Variants in TACC2 observed in about 807,000 individuals in gnomAD.
TACC2 encodes transforming acidic coiled-coil containing protein 2.
TACC2 carries 137 observed loss-of-function variants against 227.3 expected under a neutral mutation model. That is an observed-to-expected ratio of 0.60 (90% CI 0.52 to 0.69). The LOEUF is 0.69. Among genes scored for constraint, TACC2 ranks in the 30% least tolerant of loss-of-function variants. The pLI, the probability that TACC2 is intolerant of heterozygous loss-of-function variation, is 0.00. For missense variants in TACC2, 3,470 were observed against 3,694.4 expected (o/e 0.94, Z 1.57); for synonymous variants, 1,523 against 1,487.5 (o/e 1.02, Z -0.55).
At chr10:122,022,190 C>T in intron 2 of TACC2, 176 bp downstream of exon 2, 1 of 608,444 alleles carries the variant, frequency 1.6e-6, no homozygotes, top group Non-Finnish European at 2.9e-6. Flanking sequence ...TTGGAATTCT[C>T]TTACGATTAA....
At chr10:122,014,928 A>G (rs527598521) in intron 1 of TACC2, among the ~76,000 whole-genome samples, 9 of 152,298 alleles carry the variant, frequency 5.9e-5, no homozygotes, top group African/African-American at 1.9e-4. Context: ...TCTGTTATAA[A>G]ACTAAATAAA....
At chr10:122,060,281 G>A (rs972690028) in intron 3 of TACC2, among the ~76,000 whole-genome samples, 1 of 152,102 alleles carries the variant, frequency 6.6e-6, no homozygotes, top group Non-Finnish European at 1.5e-5. Flanking sequence ...GGGGCCAGGC[G>A]GTCAAAGAAG....
At position 122,088,475 on chromosome 10, in the gene TACC2, C is replaced by T; in HGVS notation, c.5460-3C>T. The T allele has an allele frequency of 2.5e-6, 4 of 1,610,142 alleles. No individual in the cohort carries two copies. Among genetic ancestry groups the T allele is most frequent in the Non-Finnish European group, 3.4e-6 (4 of 1,178,060 alleles). On this transcript the variant is annotated splice_polypyrimidine_tract_variant and splice_region_variant and intron_variant, in intron 4 of 22. Transcript: ENST00000369005. The stretch of plus-strand genomic sequence containing the variant: ...TATTAATTGCTTTCTTTTATTATCC[C>T]AGAGAGAGCCCCAGGCCTGGCCCAT...
intron 7 of TACC2, chr10:122,192,923 A>G: frequency 2.8e-6 from 1 of 362,860 alleles, no homozygotes; most frequent in East Asian, 7.6e-5. Flanking sequence ...GCTGATCTGA[A>G]CTCTCATTCT....
rs776764552 is a variant in TACC2, at chr10:122,088,597, C to A, written c.5573+6C>A. 35 of 1,610,932 alleles carry A rather than the reference C, an allele frequency of 2.2e-5. No homozygotes were observed. Among genetic ancestry groups the A allele is most frequent in the Non-Finnish European group, 2.5e-5 (30 of 1,178,464 alleles). On this transcript the variant is annotated splice_donor_region_variant and intron_variant, in intron 5 of 22. Transcript: ENST00000369005. ...GGTGCGGAAGGAACAGAAAGGTCAG[C>A]GAAAGATATTGGTCTTTGGAAGGCC...
chr10:122,088,145 A>G (rs144420980), intron 4 of TACC2, among the ~76,000 whole-genome samples, 186 bp downstream of exon 4: 57 of 152,306 alleles, frequency 3.7e-4, no homozygotes, highest in Admixed American at 2.7e-3. Flanking sequence ...TGTGAGAACC[A>G]TGGTTGGAGG....
At position 122,237,285 on chromosome 10, in the gene TACC2, C is replaced by G. The variant is rs951354072; in HGVS notation, c.8128-110C>G. The G allele has an allele frequency of 1.4e-5, 15 of 1,085,254 alleles. No homozygotes were observed. The African/African-American group carries it at 1.7e-4, about 13-fold the overall frequency. The allele number at this position is 1,085,254 out of a possible 1,614,324, so 67.2% of individuals were successfully genotyped here. On this transcript the variant is annotated intron_variant, in intron 16 of 22. Transcript: ENST00000369005. ...TGCACTTTCTCATACTTTTGATGTT[C>G]TTTGTTTCAAAACCATACAATTGGC... is the stretch of plus-strand genomic sequence containing the variant.
chr10:122,192,152 C>T (rs2094431707), intron 7 of TACC2, among the ~76,000 whole-genome samples: 2 of 152,180 alleles, frequency 1.3e-5, no homozygotes, highest in Admixed American at 1.3e-4. Flanking sequence ...AAGTGAATGC[C>T]ATTCTCGTGG....
intron 6 of TACC2, among the ~76,000 whole-genome samples, chr10:122,138,022 A>G (rs1050504642): frequency 7.2e-5 from 11 of 152,202 alleles, no homozygotes; most frequent in Non-Finnish European, 1.2e-4. Flanking sequence ...AATGGTCAGA[A>G]GTTGAAAGGC....
In TACC2 at chr10:122,223,036, C is replaced by CCT. The variant is rs11385698; in HGVS notation, c.7547-1673_7547-1672dup. 2.0e-4 allele frequency among the ~76,000 whole-genome samples: 28 copies of CCT among 141,060 alleles called. No homozygotes were observed. The South Asian group carries it at 2.2e-3, about 11-fold the overall frequency. 92.5% of individuals were successfully genotyped at this position (141,060 alleles called of 152,430 possible). ...TGTCCATCCCTGTCTCCTTCCTCCT[C>CCT]CTCTCTCTCTCTCTCTCTTTTTTTT... On this transcript the variant is annotated intron_variant, in intron 11 of 22. Coordinates refer to ENST00000369005, the MANE Select transcript of TACC2 (RefSeq NM_206862.4).
intron 16 of TACC2, 23 bp from the exon 17 acceptor site, chr10:122,237,372 T>G (rs2095877302): frequency 6.3e-7 from 1 of 1,590,524 alleles, no homozygotes. Flanking sequence ...CTGTTTTTTT[T>G]TTAATTAAAA....
At chr10:122,041,405 T>G (rs2074242014) in intron 2 of TACC2, among the ~76,000 whole-genome samples, 1 of 151,952 alleles carries the variant, frequency 6.6e-6, no homozygotes, top group Non-Finnish European at 1.5e-5. Context: ...GCAGCAAGAA[T>G]TAATTCAATC....
chr10:122,012,664 A>C (rs1363508746), intron 1 of TACC2, among the ~76,000 whole-genome samples: 1 of 152,176 alleles, frequency 6.6e-6, no homozygotes, highest in Non-Finnish European at 1.5e-5. Flanking sequence ...AACTTCAGAA[A>C]GCAGCTACCA....
chr10:122,012,384 C>A (rs539634603), intron 1 of TACC2, among the ~76,000 whole-genome samples: 2 of 139,142 alleles, frequency 1.4e-5, no homozygotes, highest in South Asian at 4.6e-4. Flanking sequence ...CACGCCACTG[C>A]ACTCCAGCCT....
At chr10:122,061,534 G>T (rs1029929987) in intron 3 of TACC2, among the ~76,000 whole-genome samples, 2 of 152,168 alleles carry the variant, frequency 1.3e-5, no homozygotes, top group Non-Finnish European at 2.9e-5. Context: ...TCCCAGGAAG[G>T]CCTGGCATCT....
At chr10:122,226,718 C>A (rs1372781522) in intron 13 of TACC2, among the ~76,000 whole-genome samples, 1 of 152,038 alleles carries the variant, frequency 6.6e-6, no homozygotes. Flanking sequence ...GGATTATAGG[C>A]ATGAGCCACA....
At chr10:122,094,428 G>C (rs771396046) in intron 5 of TACC2, among the ~76,000 whole-genome samples, 26 of 152,034 alleles carry the variant, frequency 1.7e-4, no homozygotes, top group Non-Finnish European at 3.5e-4. Context: ...GCAGGTGCGC[G>C]CCACTACACC....
chr10:122,085,033 C>T lies in TACC2; in HGVS notation c.2533C>T (p.Leu845Phe). The change falls in exon 4 of 23, where the codon CTC (leucine) becomes TTC (phenylalanine). Residue 845 changes from leucine (L) to phenylalanine (F), a missense_variant. Coordinates refer to ENST00000369005, the MANE Select transcript of TACC2 (RefSeq NM_206862.4). ...ACCAGAGACATCCATCTTTGACGTG[C>T]TCAAGGAGCAGGCCCAGCCACCTGA... ...AQPETSIFDVLKEQAQPPENG... is the reference protein window; with the variant it reads ...AQPETSIFDVFKEQAQPPENG... The T allele has an allele frequency of 1.9e-6, 3 of 1,614,170 alleles. No homozygotes were observed. The highest frequency in any genetic ancestry group is 1.1e-5 in the South Asian group (1 of 91,090).
At chr10:122,054,329 T>A (rs978619233) in intron 3 of TACC2, among the ~76,000 whole-genome samples, 1 of 152,182 alleles carries the variant, frequency 6.6e-6, no homozygotes, top group Non-Finnish European at 1.5e-5. Context: ...GGGAGAATGA[T>A]CCTAGCCTCC....
Sources: allele counts gnomAD v4.1 joint callset (sites outside exome capture counted in the v4.1 genomes callset), GRCh38; gene constraint gnomAD v4.1.1; transcripts MANE v1.5; gene names NCBI Gene and HGNC (gene_info 2026-07-23, HGNC 2026-07-21).